The following NAA11 variants were observed in gnomAD, a reference collection of about 807,000 sequenced individuals.
NAA11 encodes the protein N-alpha-acetyltransferase 11, NatA catalytic subunit.
A neutral mutation model predicts 16.1 loss-of-function variants in NAA11; 15 were observed. That is an observed-to-expected ratio of 0.93 (90% CI 0.62 to 1.44). The LOEUF is 1.44. Ranked by LOEUF, NAA11 falls within the 40% of genes most tolerant of loss-of-function variation. The pLI, the probability that NAA11 is intolerant of heterozygous loss-of-function variation, is 0.00. For missense variants in NAA11, 298 were observed against 291.3 expected (o/e 1.02, Z -0.17); for synonymous variants, 122 against 112.4 (o/e 1.09, Z -0.54).
chr4:79,206,542 ATAC>A, the NAA11 span, among the ~76,000 whole-genome samples: 1 of 152,120 alleles, frequency 6.6e-6, no homozygotes, highest in Non-Finnish European at 1.5e-5. Flanking sequence ...TGGCATGCTT[ATAC>A]TAGTCCAAAT....
chr4:79,220,324 C>A, the NAA11 span, among the ~76,000 whole-genome samples: 1 of 152,044 alleles, frequency 6.6e-6, no homozygotes, highest in Non-Finnish European at 1.5e-5. Context: ...AGGTCCTGAC[C>A]CCAAGTGATC....
intron 2 of NAA11, among the ~76,000 whole-genome samples, chr4:79,263,743 A>G (rs184608769): frequency 1.3e-5 from 2 of 152,222 alleles, no homozygotes; most frequent in East Asian, 3.9e-4. Context: ...AAATCCCTCC[A>G]TATTTTCTTA....
At chr4:79,204,059 T>C in the NAA11 span, among the ~76,000 whole-genome samples, 2 of 151,894 alleles carry the variant, frequency 1.3e-5, no homozygotes, top group Non-Finnish European at 1.5e-5. Flanking sequence ...CTACTGAGTA[T>C]GTAAATTGAT....
the NAA11 span, among the ~76,000 whole-genome samples, chr4:79,206,204 T>C: frequency 6.6e-6 from 1 of 152,102 alleles, no homozygotes; most frequent in African/African-American, 2.4e-5. Flanking sequence ...TTAGGCAGTA[T>C]GGTCATTTTC....
the NAA11 span, among the ~76,000 whole-genome samples, chr4:79,189,692 C>T: frequency 6.6e-6 from 1 of 152,170 alleles, no homozygotes; most frequent in African/African-American, 2.4e-5. Context: ...TGACTTCCTC[C>T]ATTTCCTGTG....
chr4:79,199,884 T>C, the NAA11 span, among the ~76,000 whole-genome samples: 3 of 151,922 alleles, frequency 2.0e-5, no homozygotes, highest in African/African-American at 7.2e-5. Context: ...TCTATGGAGC[T>C]TTGTTCATGG....
At chr4:79,242,678 A>G (rs1721724254) in intron 2 of NAA11, among the ~76,000 whole-genome samples, 1 of 152,184 alleles carries the variant, frequency 6.6e-6, no homozygotes, top group Non-Finnish European at 1.5e-5. Context: ...TACACTACTT[A>G]TCTATGAGAT....
chr4:79,301,942 G>T (rs1217548966), intron 1 of NAA11, among the ~76,000 whole-genome samples: 1 of 152,154 alleles, frequency 6.6e-6, no homozygotes, highest in Non-Finnish European at 1.5e-5. Flanking sequence ...TTTTAAAAAT[G>T]ATGGATGCTA....
At chr4:79,166,547 T>C in the NAA11 span, among the ~76,000 whole-genome samples, 1 of 147,188 alleles carries the variant, frequency 6.8e-6, no homozygotes, top group Non-Finnish European at 1.5e-5. Flanking sequence ...AGGCTGGTCT[T>C]GAACTCCTGG....
At chr4:79,191,167 T>C in the NAA11 span, among the ~76,000 whole-genome samples, 4 of 152,202 alleles carry the variant, frequency 2.6e-5, no homozygotes, top group Non-Finnish European at 1.5e-5. Context: ...GAATGATTTA[T>C]ATTCCTCTGG....
chr4:79,233,173 T>C (rs1721502800), intron 2 of NAA11, among the ~76,000 whole-genome samples: 1 of 151,944 alleles, frequency 6.6e-6, no homozygotes, highest in Admixed American at 6.6e-5. Context: ...TGGATTCAAG[T>C]GTTTCATTAT....
At position 79,283,882 on chromosome 4, in the gene NAA11, T is replaced by C. The variant is rs543864903; in HGVS notation, c.*122+10123A>G. 8.5e-5 allele frequency among the ~76,000 whole-genome samples: 13 copies of C among 152,242 alleles called. No homozygotes were observed. The East Asian group carries it at 1.5e-3, about 18-fold the overall frequency. On this transcript the variant is annotated intron_variant and NMD_transcript_variant, in intron 2 of 2. Transcript: ENST00000511542. ...CACAGAACATATAAATAAATAAATATATTTAATCCTGTTATGTTAATTGGA... is the reference window on the plus strand; with the variant it reads ...CACAGAACATATAAATAAATAAATACATTTAATCCTGTTATGTTAATTGGA...
intron 2 of NAA11, among the ~76,000 whole-genome samples, chr4:79,234,176 C>T (rs141241642): frequency 1.8e-4 from 27 of 152,200 alleles, no homozygotes; most frequent in African/African-American, 6.0e-4. Flanking sequence ...AAAATCTTCC[C>T]TGCCTAAAAT....
chr4:79,264,869 C>T (rs1383838117), intron 2 of NAA11, among the ~76,000 whole-genome samples: 2 of 152,180 alleles, frequency 1.3e-5, no homozygotes, highest in Non-Finnish European at 2.9e-5. Flanking sequence ...CTCTATTCTA[C>T]TGAAGCTCCA....
intron 2 of NAA11, among the ~76,000 whole-genome samples, chr4:79,271,441 A>G (rs1722490405): frequency 6.6e-6 from 1 of 152,076 alleles, no homozygotes. Flanking sequence ...TATTGTGAAA[A>G]TGGACACTTT....
chr4:79,156,766 A>G, the NAA11 span, among the ~76,000 whole-genome samples: 11 of 152,202 alleles, frequency 7.2e-5, no homozygotes, highest in Non-Finnish European at 1.5e-4. Context: ...AGCCCAAGAA[A>G]GTTAAATAAC....
chr4:79,291,497 G>A (rs1181216140), intron 2 of NAA11, among the ~76,000 whole-genome samples: 1 of 151,976 alleles, frequency 6.6e-6, no homozygotes, highest in Non-Finnish European at 1.5e-5. Flanking sequence ...GGCCGGGCCT[G>A]GTGGCTCACC....
chr4:79,158,658 A>G, the NAA11 span, among the ~76,000 whole-genome samples: 1 of 148,952 alleles, frequency 6.7e-6, no homozygotes, highest in Non-Finnish European at 1.5e-5. Context: ...CCAAAGCAAG[A>G]CTAAGCAAAA....
the NAA11 span, among the ~76,000 whole-genome samples, chr4:79,194,661 A>T: frequency 2.6e-5 from 4 of 152,112 alleles, no homozygotes; most frequent in African/African-American, 9.7e-5. Context: ...AGTAACAGAA[A>T]ATACTCTAGG....
Sources: gnomAD v4.1 joint callset for allele counts (sites outside exome capture counted in the v4.1 genomes callset) on GRCh38, gnomAD v4.1.1 for gene constraint, MANE v1.5 for transcripts, NCBI Gene and HGNC (gene_info 2026-07-23, HGNC 2026-07-21) for gene names.